Variants in MDH1 observed in about 807,000 individuals in gnomAD.
MDH1 encodes the protein malate dehydrogenase 1, also known as malate dehydrogenase, cytoplasmic.
In MDH1, 15 loss-of-function variants were observed where a neutral mutation model predicts 38.7. The ratio of observed to expected loss-of-function variants is 0.39; its 90% CI spans 0.26 to 0.60. The LOEUF (loss-of-function observed/expected upper bound fraction) is 0.60, where lower values mean the gene tolerates loss of function less well. MDH1 is among the 20% of genes least tolerant of loss of function. The probability of loss-of-function intolerance (pLI) is 0.56; values close to 1 mark genes in which losing one functional copy is unlikely to be tolerated. For synonymous variants in MDH1, 144 were observed against 143.6 expected (o/e 1.00, Z -0.02); for missense variants, 368 against 405.2 (o/e 0.91, Z 0.79).
intron 3 of MDH1, among the ~76,000 whole-genome samples, chr2:63,596,111 A>T (rs184967631): frequency 6.6e-6 from 1 of 152,300 alleles, no homozygotes; most frequent in Admixed American, 6.5e-5. Context: ...TATAACACAG[A>T]TATAATAAGG....
chr2:63,607,020 T>C lies in MDH1; in HGVS notation c.*33T>C, dbSNP rs762837127. 1.3e-6 allele frequency: 2 copies of C among 1,585,748 alleles called. No individual in the cohort carries two copies. The highest frequency in any genetic ancestry group is 8.6e-7 in the Non-Finnish European group (1 of 1,168,148). On this transcript the variant is annotated 3_prime_UTR_variant, in exon 9 of 9. Transcript: ENST00000233114. Reference sequence around the variant, plus strand: ...ATGATGTTACTAAATGCTTCAAAGCTGAAGAATCTAAATGTCGTCTTTGAC... The same window carrying C: ...ATGATGTTACTAAATGCTTCAAAGCCGAAGAATCTAAATGTCGTCTTTGAC...
chr2:63,604,963 T>C, intron 6 of MDH1, 91 bp downstream of exon 6: 2 of 1,279,334 alleles, frequency 1.6e-6, no homozygotes, highest in Non-Finnish European at 2.2e-6. Context: ...GGCAGGTCTT[T>C]CACAGTTGCT....
chr2:63,602,650 C>T (rs1022505629), intron 5 of MDH1, among the ~76,000 whole-genome samples: 1 of 152,058 alleles, frequency 6.6e-6, no homozygotes, highest in African/African-American at 2.4e-5. Context: ...AGAATTTCTT[C>T]ATCACTCACA....
chr2:63,595,345 A>G (rs913928909), intron 2 of MDH1, 78 bp from the exon 3 acceptor site: 1 of 904,840 alleles, frequency 1.1e-6, no homozygotes, highest in African/African-American at 1.6e-5. Flanking sequence ...CATACCAAAT[A>G]AAAACTATGT....
chr2:63,602,659 C>A (rs1169995475), intron 5 of MDH1, among the ~76,000 whole-genome samples: 1 of 152,062 alleles, frequency 6.6e-6, no homozygotes, highest in Non-Finnish European at 1.5e-5. Context: ...TCATCACTCA[C>A]AAAAGAACTC....
chr2:63,599,062 C>G, intron 4 of MDH1, 108 bp from the exon 5 acceptor site: 1 of 1,021,578 alleles, frequency 9.8e-7, no homozygotes. Flanking sequence ...GTTTCCCAAG[C>G]CTCCCCTGTA....
Position 63,604,891 on chromosome 2 carries a change from C to T in MDH1, c.675+19C>T, listed in dbSNP as rs755128980. The T allele has an allele frequency of 1.9e-6, 3 of 1,612,694 alleles. No homozygotes were observed. The Admixed American group carries it at 5.0e-5, about 27-fold the overall frequency. On this transcript the variant is annotated intron_variant, in intron 6 of 8. Transcript: ENST00000233114. The stretch of plus-strand genomic sequence containing the variant: ...TGTCACGGTAAGAAAAATCTGTGAG[C>T]CTTCTTAACACTGAGCGTAAAGAAC...
rs947512005 is a variant in MDH1 at position 63,588,969 on chromosome 2, G to A, written c.-75G>A. ...AACACCGCTCGCCCTCTCCGAGTCA[G>A]TTCCGCGGTAGAGGTGACCTGACTC... On this transcript the variant is annotated 5_prime_UTR_variant, in exon 1 of 9. Transcript: ENST00000233114. 1.2e-6 allele frequency: 2 copies of A among 1,609,880 alleles called. No individual in the cohort carries two copies. Among genetic ancestry groups the A allele is most frequent in the Non-Finnish European group, 8.5e-7 (1 of 1,176,316 alleles).
rs565525528 is a variant in MDH1, at chr2:63,595,980, G to C, written c.199+461G>C. Among the ~76,000 whole-genome samples the C allele has an allele frequency of 9.2e-5, 14 of 152,124 alleles. No individual in the cohort carries two copies. The East Asian group carries it at 9.7e-4, about 11-fold the overall frequency. On this transcript the variant is annotated intron_variant, in intron 3 of 8. Coordinates refer to ENST00000233114, the MANE Select transcript of MDH1 (RefSeq NM_005917.4). ...GGAAGTTGGTTGGTTCCTCTTACAC[G>C]GTCCCCATCCCATCTACCAATCATC...
At chr2:63,602,825 C>G (rs1413817228) in intron 5 of MDH1, among the ~76,000 whole-genome samples, 1 of 152,194 alleles carries the variant, frequency 6.6e-6, no homozygotes, top group Middle Eastern at 3.4e-3. Context: ...AGTTTAATGC[C>G]TTTAAGATCC....
chr2:63,595,281 C>A, intron 2 of MDH1, 142 bp from the exon 3 acceptor site: 1 of 688,616 alleles, frequency 1.5e-6, no homozygotes, highest in African/African-American at 1.8e-5. Flanking sequence ...GTGCTAGATA[C>A]CTGACCTCCT....
chr2:63,600,108 C>A (rs1208279295), intron 5 of MDH1: 5 of 151,294 alleles, frequency 3.3e-5, no homozygotes, highest in Admixed American at 1.3e-4. Flanking sequence ...ACTTTAGTTT[C>A]AAAAAAAAAT....
intron 3 of MDH1, chr2:63,597,192 G>A: frequency 1.3e-6 from 1 of 798,412 alleles, no homozygotes; most frequent in East Asian, 1.3e-4. Flanking sequence ...TATTGAAACA[G>A]GAAAAGCAAA....
At position 63,588,979 on chromosome 2, in the gene MDH1, A is replaced by G. The variant is rs1709079172; in HGVS notation, c.-65A>G. The G allele has an allele frequency of 1.2e-6, 2 of 1,613,090 alleles. No individual in the cohort carries two copies. On this transcript the variant is annotated 5_prime_UTR_variant, in exon 1 of 9. Transcript: ENST00000233114. ...GCCCTCTCCGAGTCAGTTCCGCGGT[A>G]GAGGTGACCTGACTCTCTGAGGCTC... is the stretch of plus-strand genomic sequence containing the variant.
chr2:63,589,419 C>T (rs1709107780), intron 1 of MDH1: 2 of 1,535,628 alleles, frequency 1.3e-6, no homozygotes, highest in African/African-American at 2.7e-5. Context: ...GGTCCTAACC[C>T]CTTTTTCTCC....
chr2:63,603,904 G>A (rs1164138184), intron 5 of MDH1, among the ~76,000 whole-genome samples: 8 of 152,110 alleles, frequency 5.3e-5, no homozygotes, highest in Admixed American at 1.3e-4. Flanking sequence ...TGATCTGCCC[G>A]CCTTGGCCTC....
Position 63,606,291 on chromosome 2 carries a change from G to A in MDH1, c.879+263G>A, listed in dbSNP as rs137931321. On this transcript the variant is annotated intron_variant, in intron 8 of 8. Transcript: ENST00000233114. Reference sequence around the variant, plus strand: ...AGGTTCTTGAGAGGCTGAGGTAGGAGGATCACTTGAGCTTAGGAGATCAAG... The same window carrying A: ...AGGTTCTTGAGAGGCTGAGGTAGGAAGATCACTTGAGCTTAGGAGATCAAG... Among the ~76,000 whole-genome samples the A allele has an allele frequency of 1.3e-3, 202 of 152,222 alleles. 2 individuals carry two copies. Among genetic ancestry groups the A allele is most frequent in the African/African-American group, 4.4e-3 (182 of 41,526 alleles).
chr2:63,597,403 C>A lies in MDH1; in HGVS notation c.204C>A (p.Val68=). The change falls in exon 4 of 9, where the codon GTC becomes GTA. Residue 68 remains valine, a synonymous_variant. Transcript: ENST00000233114. ...TATTTATTGCCATGTCCACAGATGT[C>A]ATCGCAACAGATAAAGAAGACGTTG... ...QDCALPLLKD[V]IATDKEDVAF... The A allele has an allele frequency of 7.0e-7, 1 of 1,425,896 alleles. No individual in the cohort carries two copies. Among genetic ancestry groups the A allele is most frequent in the South Asian group, 1.6e-5 (1 of 60,746 alleles). 88.3% of individuals were successfully genotyped at this position (1,425,896 alleles called of 1,614,324 possible).
At chr2:63,589,327 A>C in intron 1 of MDH1, 1 of 1,550,654 alleles carries the variant, frequency 6.4e-7, no homozygotes, top group East Asian at 2.4e-5. Context: ...GGGAGGACAA[A>C]ATGCGACGCT....
Sources: gnomAD v4.1 joint callset for allele counts (sites outside exome capture counted in the v4.1 genomes callset) on GRCh38, gnomAD v4.1.1 for gene constraint, MANE v1.5 for transcripts, NCBI Gene and HGNC (gene_info 2026-07-23, HGNC 2026-07-21) for gene names.